LOC400499: variants seen among roughly 807,000 people sequenced by gnomAD.
the LOC400499 span, among the ~76,000 whole-genome samples, chr16:11,443,002 C>A: frequency 6.6e-6 from 1 of 152,162 alleles, no homozygotes; most frequent in African/African-American, 2.4e-5. Flanking sequence ...CTGGTTCACC[C>A]TCCTTCCCAG....
the LOC400499 span, among the ~76,000 whole-genome samples, chr16:11,422,309 G>A: frequency 6.6e-6 from 1 of 152,170 alleles, no homozygotes; most frequent in Non-Finnish European, 1.5e-5. Context: ...GGCTGAGGCA[G>A]GAGACACTTG....
chr16:11,392,790 C>G, the LOC400499 span: 1 of 984,318 alleles, frequency 1.0e-6, no homozygotes, highest in African/African-American at 1.7e-5. Flanking sequence ...GATCACAGCT[C>G]ACTCCCAGCA....
the LOC400499 span, among the ~76,000 whole-genome samples, chr16:11,507,882 C>T: frequency 6.6e-6 from 1 of 151,932 alleles, no homozygotes; most frequent in African/African-American, 2.4e-5. Context: ...TGCAGTGAGC[C>T]ATGATTTCAC....
chr16:11,398,235 G>C, the LOC400499 span: 1 of 916,534 alleles, frequency 1.1e-6, no homozygotes, highest in Non-Finnish European at 1.4e-6. Flanking sequence ...CACGATGGTG[G>C]CGTCTGGCTG....
the LOC400499 span, among the ~76,000 whole-genome samples, chr16:11,507,148 G>C: frequency 2.6e-5 from 4 of 152,164 alleles, no homozygotes; most frequent in Non-Finnish European, 5.9e-5. Flanking sequence ...GTCCTCTTGG[G>C]GCCAAAGAAT....
At chr16:11,386,744 C>T in the LOC400499 span, among the ~76,000 whole-genome samples, 2 of 152,252 alleles carry the variant, frequency 1.3e-5, no homozygotes, top group African/African-American at 4.8e-5. Context: ...CCTGGCCACA[C>T]AGCAAGCCTG....
the LOC400499 span, among the ~76,000 whole-genome samples, chr16:11,403,264 A>G: frequency 3.9e-5 from 6 of 152,158 alleles, no homozygotes; most frequent in Non-Finnish European, 7.4e-5. Flanking sequence ...GCTGGTTCTC[A>G]GGGCATCACC....
At chr16:11,423,355 G>C in the LOC400499 span, 16 of 398,438 alleles carry the variant, frequency 4.0e-5, no homozygotes, top group Admixed American at 1.3e-4. Context: ...CCACCCTTTG[G>C]GGAAGCCACC....
the LOC400499 span, among the ~76,000 whole-genome samples, chr16:11,452,290 G>A: frequency 2.0e-5 from 3 of 150,048 alleles, no homozygotes; most frequent in Admixed American, 1.3e-4. Context: ...ATGCGCCAGT[G>A]TATAGATTAT....
At chr16:11,454,800 A>C in the LOC400499 span, among the ~76,000 whole-genome samples, 2 of 152,250 alleles carry the variant, frequency 1.3e-5, no homozygotes, top group Non-Finnish European at 2.9e-5. Context: ...GATGTACTCC[A>C]TCAGAACAAA....
the LOC400499 span, among the ~76,000 whole-genome samples, chr16:11,447,254 A>G: frequency 6.6e-6 from 1 of 152,186 alleles, no homozygotes; most frequent in South Asian, 2.1e-4. Context: ...ACCTTGGGAA[A>G]AGGACTTGAC....
the LOC400499 span, among the ~76,000 whole-genome samples, chr16:11,473,755 C>CAAA: frequency 0.33 from 46,380 of 138,506 alleles, 7,936 homozygotes; most frequent in Admixed American, 0.44. Flanking sequence ...AACTCTGTCT[C>CAAA]AAAAAAAAAA....
At chr16:11,526,592 C>A in the LOC400499 span, among the ~76,000 whole-genome samples, 105 of 152,258 alleles carry the variant, frequency 6.9e-4, no homozygotes, top group African/African-American at 2.4e-3. Flanking sequence ...CTCATTAATA[C>A]TTCCTATTGA....
chr16:11,396,552 G>A, the LOC400499 span: 2 of 1,232,178 alleles, frequency 1.6e-6, no homozygotes, highest in East Asian at 3.2e-5. Context: ...GGCCTGCTGT[G>A]GTTTTGGAGG....
At chr16:11,387,199 C>T in the LOC400499 span, 19 of 1,232,292 alleles carry the variant, frequency 1.5e-5, no homozygotes, top group Non-Finnish European at 1.9e-5. Context: ...GCGGCCGCAG[C>T]AGCTTCTCCT....
At chr16:11,463,518 A>T in the LOC400499 span, among the ~76,000 whole-genome samples, 4 of 152,272 alleles carry the variant, frequency 2.6e-5, no homozygotes, top group African/African-American at 9.6e-5. Flanking sequence ...ATGTGTGTAT[A>T]CATGGATGTG....
the LOC400499 span, among the ~76,000 whole-genome samples, chr16:11,408,495 C>T: frequency 1.4e-4 from 20 of 138,072 alleles, no homozygotes; most frequent in East Asian, 3.9e-3. Context: ...GGTCTGTCTG[C>T]TCTGTCATCC....
chr16:11,456,390 C>A, the LOC400499 span, among the ~76,000 whole-genome samples: 2 of 151,708 alleles, frequency 1.3e-5, no homozygotes, highest in Non-Finnish European at 2.9e-5. Flanking sequence ...GTTTTCGAGA[C>A]ACAAAGATCT....
the LOC400499 span, chr16:11,494,725 G>A: frequency 7.5e-6 from 3 of 399,068 alleles, no homozygotes; most frequent in Non-Finnish European, 1.3e-5. Context: ...TGCCCAGGAA[G>A]GCGCCAGGGC....
Sources: allele counts gnomAD v4.1 joint callset (sites outside exome capture counted in the v4.1 genomes callset), GRCh38; gene constraint gnomAD v4.1.1; transcripts MANE v1.5.